Variants in SERHL2 observed in about 807,000 individuals in gnomAD.
SERHL2 encodes serine hydrolase-like protein 2.
A neutral mutation model predicts 25.5 loss-of-function variants in SERHL2; 29 were observed. That is an observed-to-expected ratio of 1.14 (90% confidence interval 0.85 to 1.55). The LOEUF (loss-of-function observed/expected upper bound fraction) is 1.55, where lower values mean the gene tolerates loss of function less well. Ranked by LOEUF, SERHL2 falls within the 40% of genes most tolerant of loss-of-function variation. SERHL2 has a pLI of 0.00. For synonymous variants in SERHL2, 95 were observed against 103.5 expected, an observed-to-expected ratio of 0.92 and a Z score of 0.50; for missense variants, 240 against 252.3, an observed-to-expected ratio of 0.95 and a Z score of 0.33.
intron 8 of SERHL2, chr22:42,565,396 G>T (rs1190882378): frequency 6.6e-6 from 1 of 151,554 alleles, no homozygotes; most frequent in Non-Finnish European, 1.5e-5. Flanking sequence ...CTCGATCTCG[G>T]CTCACTGCAA....
chr22:42,572,909 A>C (rs985732155), intron 11 of SERHL2: 1 of 187,022 alleles, frequency 5.3e-6, no homozygotes. Context: ...ACCTCAGGTG[A>C]TCCGCCCACC....
chr22:42,554,176 T>C, intron 1 of SERHL2, 134 bp downstream of exon 1: 2 of 1,132,184 alleles, frequency 1.8e-6, no homozygotes, highest in East Asian at 2.8e-5. Context: ...TCCTCGGCAG[T>C]CCCGGGGCAT....
chr22:42,563,899 C>A (rs983719257), intron 8 of SERHL2, among the ~76,000 whole-genome samples: 6 of 151,654 alleles, frequency 4.0e-5, no homozygotes, highest in Admixed American at 3.9e-4. Flanking sequence ...CATGGAGAAA[C>A]CCCGTCTCTA....
intron 9 of SERHL2, among the ~76,000 whole-genome samples, chr22:42,567,698 TAA>T (rs951164606): frequency 3.3e-5 from 5 of 150,392 alleles, no homozygotes; most frequent in African/African-American, 1.2e-4. Flanking sequence ...ATAAAAAAAA[TAA>T]AAGTTCGATT....
intron 10 of SERHL2, chr22:42,571,582 G>C (rs939799920): frequency 9.4e-5 from 52 of 552,840 alleles, no homozygotes; most frequent in Admixed American, 2.4e-4. Context: ...CCCGCCACCA[G>C]GCCTGGCTTA....
intron 8 of SERHL2, among the ~76,000 whole-genome samples, chr22:42,565,540 G>A (rs1923262739): frequency 1.3e-5 from 2 of 151,828 alleles, no homozygotes; most frequent in South Asian, 4.1e-4. Flanking sequence ...TGCCCAGGCT[G>A]GTCTTGAACT....
chr22:42,560,833 T>C (rs1438710328), intron 8 of SERHL2, among the ~76,000 whole-genome samples: 1 of 151,932 alleles, frequency 6.6e-6, no homozygotes, highest in Non-Finnish European at 1.5e-5. Context: ...CCTCCCGGGC[T>C]CCAGAGATCG....
At chr22:42,561,229 G>T (rs1159647419) in intron 8 of SERHL2, among the ~76,000 whole-genome samples, 1 of 151,926 alleles carries the variant, frequency 6.6e-6, no homozygotes, top group African/African-American at 2.4e-5. Context: ...GCTCTCCCAG[G>T]GTGAGGGAAC....
intron 9 of SERHL2, among the ~76,000 whole-genome samples, chr22:42,567,142 G>A (rs1340173598): frequency 3.3e-5 from 5 of 152,086 alleles, no homozygotes; most frequent in African/African-American, 9.7e-5. Flanking sequence ...GTAGAACATT[G>A]GACACATGTG....
At chr22:42,568,416 T>C (rs1258407557) in intron 9 of SERHL2, among the ~76,000 whole-genome samples, 1 of 151,642 alleles carries the variant, frequency 6.6e-6, no homozygotes, top group Non-Finnish European at 1.5e-5. Flanking sequence ...CCCTTGTGTG[T>C]GCTGACCTTC....
chr22:42,568,578 A>G (rs1356606070), intron 9 of SERHL2, among the ~76,000 whole-genome samples: 2 of 151,982 alleles, frequency 1.3e-5, no homozygotes, highest in Admixed American at 6.5e-5. Flanking sequence ...CAGGGATGGA[A>G]AGACTTCGTT....
chr22:42,566,559 A>G lies in SERHL2; in HGVS notation c.648+221A>G, dbSNP rs1471058001. Among the ~76,000 whole-genome samples the G allele has an allele frequency of 8.2e-5, 6 of 73,152 alleles. 1 individual carries two copies. Among genetic ancestry groups the G allele is most frequent in the African/African-American group, 3.8e-4 (5 of 13,006 alleles). 48.0% of individuals were successfully genotyped at this position (73,152 alleles called of 152,430 possible). On this transcript the variant is annotated intron_variant, in intron 9 of 11. Coordinates refer to ENST00000327678, the MANE Select transcript of SERHL2 (RefSeq NM_014509.5). ...CGACAGAGCGAGACTCCATCTCAAG[A>G]AAAAAAAAACAAAAGAAATTATATA... is the stretch of plus-strand genomic sequence containing the variant.
At chr22:42,571,476 A>C in intron 10 of SERHL2, 1 of 1,298,198 alleles carries the variant, frequency 7.7e-7, no homozygotes, top group African/African-American at 1.5e-5. Context: ...AAGGCTCCAT[A>C]ACCAGTGAGC....
chr22:42,571,397 G>A (rs137047), intron 10 of SERHL2, 194 bp downstream of exon 10: 299,561 of 1,146,364 alleles, frequency 0.26, 50,961 homozygotes, highest in East Asian at 0.73. Flanking sequence ...GGGAGGGCTC[G>A]GGCAGCAGGG....
chr22:42,566,337 G>A lies in SERHL2; in HGVS notation c.647G>A (p.Trp216Ter). 1 of 1,611,824 alleles carries A rather than the reference G, an allele frequency of 6.2e-7. No individual in the cohort carries two copies. The highest frequency in any genetic ancestry group is 8.5e-7 in the Non-Finnish European group (1 of 1,179,132). Residue 216 changes from tryptophan to a stop codon, truncating the protein, a stop_gained and splice_region_variant, in exon 9 of 12, where the codon TGG becomes TAG. Transcript: ENST00000327678. LOFTEE classifies it high-confidence loss of function. ...CTGAACAGAGACCAGAGGCTCGCCT[G>A]GGTGAGTACCACTGCCTCCGGGTCC... is the stretch of plus-strand genomic sequence containing the variant. The part of the protein sequence containing the change: ...LVLNRDQRLA[W>*]AENSIDFISR...
chr22:42,565,876 C>CA (rs1923309549), intron 8 of SERHL2, among the ~76,000 whole-genome samples: 1 of 151,842 alleles, frequency 6.6e-6, no homozygotes, highest in Non-Finnish European at 1.5e-5. Flanking sequence ...TTTTTTGAGA[C>CA]AGAGTCTTGC....
intron 7 of SERHL2, 32 bp from the exon 8 acceptor site, chr22:42,560,154 C>T (rs950387718): frequency 1.3e-6 from 2 of 1,562,966 alleles, no homozygotes; most frequent in Non-Finnish European, 8.8e-7. Context: ...TATTGGCCTC[C>T]AGGCACCCAG....
rs145027073 is a variant in SERHL2 at position 42,559,478 on chromosome 22, G to T, written c.534-708G>T. Reference sequence around the variant, plus strand: ...GCACTTTGGAAGGCGGAGGTGGGCAGATTACGAGGTCAGGAGATTGAGAAC... The same window carrying T: ...GCACTTTGGAAGGCGGAGGTGGGCATATTACGAGGTCAGGAGATTGAGAAC... On this transcript the variant is annotated intron_variant, in intron 7 of 11. Transcript: ENST00000327678. Among the ~76,000 whole-genome samples the T allele has an allele frequency of 9.0e-4, 137 of 151,778 alleles. 2 individuals are homozygous for T. In the East Asian group the frequency reaches 0.024, roughly 26 times the overall value.
At chr22:42,564,750 C>T (rs555215687) in intron 8 of SERHL2, among the ~76,000 whole-genome samples, 10 of 151,984 alleles carry the variant, frequency 6.6e-5, no homozygotes, top group African/African-American at 1.2e-4. Context: ...TCGCATCTGA[C>T]GGGACCGTCT....
Sources: gnomAD v4.1 joint callset for allele counts (sites outside exome capture counted in the v4.1 genomes callset) on GRCh38, gnomAD v4.1.1 for gene constraint, MANE v1.5 for transcripts, NCBI Gene and HGNC (gene_info 2026-07-23, HGNC 2026-07-21) for gene names.